FAT2: variants seen among roughly 807,000 people sequenced by gnomAD.
FAT2 encodes the protein FAT atypical cadherin 2, also known as protocadherin Fat 2.
Under a neutral mutation model 295.3 loss-of-function variants are expected in FAT2, and 150 were observed. That is an observed-to-expected ratio of 0.51 (90% CI 0.44 to 0.58). The LOEUF (loss-of-function observed/expected upper bound fraction) is 0.58, where lower values mean the gene tolerates loss of function less well. Ranked by LOEUF, FAT2 falls within the 20% of genes least tolerant of loss-of-function variation. The pLI is 0.00. For synonymous variants in FAT2, 2,026 were observed against 2,150.3 expected, an observed-to-expected ratio of 0.94 and a Z score of 1.60; for missense variants, 4,868 against 5,442.7, an observed-to-expected ratio of 0.89 and a Z score of 3.32.
Position 151,531,476 on chromosome 5 carries a change from G to T in FAT2, c.9811+111C>A. The T allele has an allele frequency of 7.2e-7, 1 of 1,397,804 alleles. No individual in the cohort carries two copies. Among genetic ancestry groups the T allele is most frequent in the Non-Finnish European group, 9.7e-7 (1 of 1,028,392 alleles). The allele number at this position is 1,397,804 out of a possible 1,614,324, so 86.6% of individuals were successfully genotyped here. On this transcript the variant is annotated intron_variant, in intron 14 of 23. Transcript: ENST00000261800. The surrounding 1 kb of genome is among the most constrained non-coding windows in gnomAD (Gnocchi z 5.7). ...AGAGAATGGAGAAACGACCAGAGGA[G>T]GTCTGCTCTGGGAGGCGCTGCACAG...
Position 151,507,257 on chromosome 5 carries a change from C to G in FAT2, c.12414G>C (p.Arg4138=), listed in dbSNP as rs1760962404. ...TGGGGGGCACACTGCAGACCACTGG[C>G]CGTTGCTTAGAATTGGGTCCAAATG... ...LVTFGPNSKQ[R]PVVCSVPPRL... The change falls in exon 23 of 24, where the codon CGG becomes CGC. Residue 4138 remains arginine (R), a synonymous_variant. Coordinates refer to ENST00000261800, the MANE Select transcript of FAT2 (RefSeq NM_001447.3). 1 of 1,614,038 alleles carries G rather than the reference C, an allele frequency of 6.2e-7. No homozygotes were observed. The highest frequency in any genetic ancestry group is 8.5e-7 in the Non-Finnish European group (1 of 1,180,034).
chr5:151,542,887 CCT>C lies in FAT2; in HGVS notation c.8238_8239del (p.Val2748HisfsTer18). On this transcript the variant is annotated frameshift_variant, in exon 10 of 24. Coordinates refer to ENST00000261800, the MANE Select transcript of FAT2 (RefSeq NM_001447.3). LOFTEE classifies it high-confidence loss of function. ...CATGGGCTTCCTCACCTTTATGACC[CCT>C]GTGTCTGGGTCTAGGGAGAAGACAC... is the stretch of plus-strand genomic sequence containing the variant. 1 of 1,614,164 alleles carries C rather than the reference CCT, an allele frequency of 6.2e-7. No homozygotes were observed. Among genetic ancestry groups the C allele is most frequent in the Non-Finnish European group, 8.5e-7 (1 of 1,180,038 alleles).
Position 151,521,313 on chromosome 5 carries a change from G to C in FAT2, c.11280C>G (p.Thr3760=). Residue 3760 remains threonine (T), a synonymous_variant, in exon 19 of 24, where the codon ACC becomes ACG. Transcript: ENST00000261800. The part of the protein sequence containing the change: ...TYSTARLSIL[T]PRHHLQRSCS... ...AGCTCCTCTGCAGGTGGTGCCGCGGGGTTAGGATGCTGAGCCTGGCGGTGC... is the reference window on the plus strand; with the variant it reads ...AGCTCCTCTGCAGGTGGTGCCGCGGCGTTAGGATGCTGAGCCTGGCGGTGC... 6.2e-7 allele frequency: 1 copy of C among 1,613,088 alleles called. No homozygotes were observed.
intron 12 of FAT2, among the ~76,000 whole-genome samples, chr5:151,537,214 A>G (rs115271625): frequency 0.011 from 1,456 of 133,738 alleles, 22 homozygotes; most frequent in African/African-American, 0.034. Flanking sequence ...AAGAAGAGGA[A>G]GAAGAAGAGG....
At chr5:151,541,567 G>A (rs899525994) in intron 10 of FAT2, among the ~76,000 whole-genome samples, 4 of 152,170 alleles carry the variant, frequency 2.6e-5, no homozygotes, top group Admixed American at 6.5e-5. Context: ...GGAATGGGGG[G>A]ACATGGCACC....
chr5:151,542,470 A>G lies in FAT2; in HGVS notation c.8657T>C (p.Leu2886Pro), dbSNP rs1756247234. The G allele has an allele frequency of 6.2e-7, 1 of 1,614,228 alleles. No homozygotes were observed. Among genetic ancestry groups the G allele is most frequent in the Non-Finnish European group, 8.5e-7 (1 of 1,180,036 alleles). ...GACCTGAACCAGGGCCTGAGAGGAT[A>G]GCTGGATGGTCTGTCCGTGGTCATA... ...VAYDHGQTIQ[L>P]SSQALVQVSI... is the part of the protein sequence containing the mutation. Residue 2886 changes from leucine to proline, a missense_variant, in exon 10 of 24, where the codon CTA becomes CCA. This residue lies in a region of FAT2 where 3,297 missense variants were observed against 3,669.4 expected (regional missense o/e 0.90). Coordinates refer to ENST00000261800, the MANE Select transcript of FAT2 (RefSeq NM_001447.3).
chr5:151,540,263 G>A lies in FAT2; in HGVS notation c.9039+304C>T, dbSNP rs570124016. 2.9e-3 allele frequency among the ~76,000 whole-genome samples: 437 copies of A among 152,304 alleles called. 1 individual carries two copies. Among genetic ancestry groups the A allele is most frequent in the African/African-American group, 9.8e-3 (409 of 41,546 alleles). On this transcript the variant is annotated intron_variant, in intron 11 of 23. Transcript: ENST00000261800. ...CCTAGAATGGTCCCTGCCCCTGGGA[G>A]CTAGTCTGAGGCTTGCTGGGGAGAA...
intron 1 of FAT2, among the ~76,000 whole-genome samples, chr5:151,590,017 G>A (rs1053161270): frequency 6.6e-5 from 10 of 152,220 alleles, no homozygotes; most frequent in Admixed American, 5.2e-4. Context: ...CAGCCTGTGA[G>A]TCACAGAGAC....
At chr5:151,511,920 G>A (rs1195750639) in intron 21 of FAT2, 6 of 544,310 alleles carry the variant, frequency 1.1e-5, no homozygotes, top group African/African-American at 1.9e-5. Flanking sequence ...CTGCCCCTGA[G>A]GTCCCCATTC....
At chr5:151,579,014 G>T (rs926501641) in intron 1 of FAT2, among the ~76,000 whole-genome samples, 1 of 152,164 alleles carries the variant, frequency 6.6e-6, no homozygotes, top group African/African-American at 2.4e-5. Flanking sequence ...GATGGTCAAA[G>T]AATATAAAAT....
chr5:151,592,059 T>A (rs1451929927), upstream of FAT2, among the ~76,000 whole-genome samples: 2 of 152,204 alleles, frequency 1.3e-5, no homozygotes, highest in East Asian at 3.9e-4. Context: ...ATGAGACCGA[T>A]TATGTGTGCA....
rs145296982 is a variant in FAT2, at chr5:151,561,990, C to T, written c.3574+1335G>A. On this transcript the variant is annotated intron_variant, in intron 3 of 23. Transcript: ENST00000261800. ...CTTAGGTGAGAGATCTCTTCCCACT[C>T]CTGAAGAGGGAGGGACAGGGAGGGA... Among the ~76,000 whole-genome samples the T allele has an allele frequency of 1.6e-4, 24 of 152,220 alleles. No individual in the cohort carries two copies. The East Asian group carries it at 4.3e-3, about 27-fold the overall frequency.
At position 151,568,719 on chromosome 5, in the gene FAT2, G is replaced by T; in HGVS notation, c.213C>A (p.Tyr71Ter). The change falls in exon 2 of 24, where the codon TAC becomes TAA. Residue 71 changes from tyrosine to a stop codon, truncating the protein, a stop_gained. Transcript: ENST00000261800. LOFTEE classifies it high-confidence loss of function. The stretch of plus-strand genomic sequence containing the variant: ...TGGCCACATCCCCAGAGATGATCCG[G>T]TACCTCACTGCCCACTGTGGCTCCG... ...YLAEPQWAVRYRIISGDVANV... is the reference protein window; with the variant it reads ...YLAEPQWAVR 6.2e-7 allele frequency: 1 copy of T among 1,614,164 alleles called. No homozygotes were observed. The highest frequency in any genetic ancestry group is 8.5e-7 in the Non-Finnish European group (1 of 1,180,042).
At chr5:151,569,342 C>T (rs570852146) in intron 1 of FAT2, among the ~76,000 whole-genome samples, 3 of 152,158 alleles carry the variant, frequency 2.0e-5, no homozygotes, top group Non-Finnish European at 4.4e-5. Context: ...GGCAAGAGCG[C>T]GTAGGCAGGG....
intron 19 of FAT2, among the ~76,000 whole-genome samples, chr5:151,519,799 T>C (rs1183815039): frequency 6.6e-6 from 1 of 152,204 alleles, no homozygotes; most frequent in East Asian, 1.9e-4. Flanking sequence ...TGGTGATCCA[T>C]GAGTTTATCT....
Position 151,566,960 on chromosome 5 carries a change from C to T in FAT2, c.1972G>A (p.Val658Met), listed in dbSNP as rs756500783. ...ACTTCAAAATGAGGGTCCTTCACCA[C>T]AGTAATATTCAAAGTTGTGGGTGAG... ...YASPTTLNIT[V>M]VKDPHFEVPV... Residue 658 changes from valine to methionine, a missense_variant, in exon 2 of 24, where the codon GTG (valine) becomes ATG (methionine). By Grantham distance (21) the Val-to-Met change is conservative. Around this residue, in one of 5 missense-constraint regions of FAT2, gnomAD observed 3,297 missense variants for 3,669.4 expected, o/e 0.90. Transcript: ENST00000261800. The T allele has an allele frequency of 1.2e-6, 2 of 1,614,090 alleles. No homozygotes were observed. The highest frequency in any genetic ancestry group is 2.2e-5 in the South Asian group (2 of 91,072).
At chr5:151,570,415 G>T (rs1758476422) in intron 1 of FAT2, among the ~76,000 whole-genome samples, 2 of 152,248 alleles carry the variant, frequency 1.3e-5, no homozygotes, top group South Asian at 4.1e-4. Context: ...GATCAGTCAA[G>T]CTCCAAGTCA....
chr5:151,532,057 TG>T, intron 13 of FAT2, 87 bp from the exon 14 acceptor site: 2 of 1,526,848 alleles, frequency 1.3e-6, no homozygotes, highest in Non-Finnish European at 1.8e-6. Flanking sequence ...CAGGAGGGGC[TG>T]GGGAGGGGCT....
Position 151,591,314 on chromosome 5 carries a change from A to T in FAT2, c.-170T>A, listed in dbSNP as rs1027726196. Among the ~76,000 whole-genome samples, 1 of 152,204 alleles carries T rather than the reference A, an allele frequency of 6.6e-6. No individual in the cohort carries two copies. The highest frequency in any genetic ancestry group is 6.5e-5 in the Admixed American group (1 of 15,292). ...CCGCAGCCGGAGAGGCTGCTGAGAA[A>T]GTTGGAGTAGGTGTGTCCCAGCCCA... On this transcript the variant is annotated 5_prime_UTR_variant, in exon 1 of 24. Transcript: ENST00000261800.
Sources: allele counts gnomAD v4.1 joint callset (sites outside exome capture counted in the v4.1 genomes callset), GRCh38; gene constraint gnomAD v4.1.1; regional missense constraint gnomAD v4.1.1; non-coding constraint Gnocchi (gnomAD v3.1); transcripts MANE v1.5; gene names NCBI Gene and HGNC (gene_info 2026-07-23, HGNC 2026-07-21).